Variants in PHACTR3 observed in about 807,000 individuals in gnomAD.
PHACTR3 encodes the protein phosphatase and actin regulator 3.
In PHACTR3, 16 loss-of-function variants were observed where a neutral mutation model predicts 66.8. The observed-to-expected ratio is 0.24, with a 90% CI of 0.16 to 0.36. The LOEUF (loss-of-function observed/expected upper bound fraction) is 0.36, where lower values mean the gene tolerates loss of function less well. Ranked by LOEUF, PHACTR3 falls within the 10% of genes least tolerant of loss-of-function variation. The pLI is 1.00. For synonymous variants in PHACTR3, 323 were observed against 292.1 expected, an observed-to-expected ratio of 1.11 and a Z score of -1.08; for missense variants, 647 against 719.9, an observed-to-expected ratio of 0.90 and a Z score of 1.16.
intron 7 of PHACTR3, among the ~76,000 whole-genome samples, chr20:59,802,083 C>T (rs1297910851): frequency 3.9e-5 from 6 of 152,160 alleles, no homozygotes; most frequent in Non-Finnish European, 7.4e-5. Flanking sequence ...CTCTGTGCTT[C>T]GACAGGAGAG....
intron 8 of PHACTR3, among the ~76,000 whole-genome samples, chr20:59,826,806 C>A (rs1334332717): frequency 1.3e-5 from 2 of 152,206 alleles, no homozygotes; most frequent in Admixed American, 6.5e-5. Context: ...CCTCACTCCA[C>A]TTTCCTCCTT....
intron 7 of PHACTR3, among the ~76,000 whole-genome samples, chr20:59,780,118 G>A (rs927937): frequency 0.18 from 27,523 of 152,102 alleles, 2,607 homozygotes; most frequent in East Asian, 0.26. Flanking sequence ...CGGGCTGCAA[G>A]GGAAGAACCT....
intron 1 of PHACTR3, among the ~76,000 whole-genome samples, chr20:59,652,012 T>C (rs1388534304): frequency 2.6e-5 from 4 of 152,288 alleles, no homozygotes; most frequent in Middle Eastern, 3.4e-3. Context: ...GGAAAGCTGA[T>C]GGTGTAATTC....
chr20:59,780,438 G>A (rs2040685150), intron 7 of PHACTR3, among the ~76,000 whole-genome samples: 2 of 152,174 alleles, frequency 1.3e-5, no homozygotes, highest in African/African-American at 4.8e-5. Flanking sequence ...GTTTGGCAAG[G>A]CCCCACTTTC....
intron 1 of PHACTR3, among the ~76,000 whole-genome samples, chr20:59,700,223 T>C (rs1002700811): frequency 6.6e-6 from 1 of 152,230 alleles, no homozygotes; most frequent in African/African-American, 2.4e-5. Flanking sequence ...TCTTTCTCAG[T>C]TTTTTATGTG....
intron 1 of PHACTR3, among the ~76,000 whole-genome samples, chr20:59,721,602 C>T (rs1344489251): frequency 1.3e-5 from 2 of 152,122 alleles, no homozygotes; most frequent in South Asian, 2.1e-4. Context: ...AGGCAAAGTG[C>T]GTGTAAAGTT....
chr20:59,745,014 C>T (rs544685782), intron 2 of PHACTR3, among the ~76,000 whole-genome samples: 16 of 152,292 alleles, frequency 1.1e-4, no homozygotes, highest in African/African-American at 3.9e-4. Flanking sequence ...CTAATGGGCT[C>T]TTAGTGATCC....
intron 5 of PHACTR3, among the ~76,000 whole-genome samples, chr20:59,769,774 G>A (rs1172076664): frequency 1.3e-5 from 2 of 152,204 alleles, no homozygotes; most frequent in Non-Finnish European, 2.9e-5. Context: ...GAATGCATGC[G>A]TGCTCTGAAC....
At chr20:59,846,918 ATAACAGGGGCC>A (rs2059161788) in intron 12 of PHACTR3, among the ~76,000 whole-genome samples, 186 bp from the exon 13 acceptor site, 1 of 152,174 alleles carries the variant, frequency 6.6e-6, no homozygotes, top group Non-Finnish European at 1.5e-5. Context: ...AATTCAGCAT[ATAACAGGGGCC>A]TGAGAGTGGG....
intron 1 of PHACTR3, among the ~76,000 whole-genome samples, chr20:59,597,479 C>T (rs1464241085): frequency 1.3e-5 from 2 of 152,170 alleles, no homozygotes; most frequent in Non-Finnish European, 2.9e-5. Context: ...ACATGGGATC[C>T]AGTCCTGGCT....
chr20:59,626,235 G>A (rs919991639), intron 1 of PHACTR3, among the ~76,000 whole-genome samples: 2 of 152,212 alleles, frequency 1.3e-5, no homozygotes, highest in South Asian at 2.1e-4. Context: ...GCAGGTTGCA[G>A]TGACGACTCA....
At chr20:59,743,310 C>T in intron 2 of PHACTR3, 42 bp downstream of exon 2, 1 of 1,607,886 alleles carries the variant, frequency 6.2e-7, no homozygotes. Flanking sequence ...GTGGCTGGGA[C>T]CAGCGTCCTT....
chr20:59,706,590 G>C (rs1438611249), intron 1 of PHACTR3, among the ~76,000 whole-genome samples: 3 of 152,238 alleles, frequency 2.0e-5, no homozygotes, highest in African/African-American at 7.2e-5. Context: ...GATCACATTA[G>C]TGTTCATGGT....
At chr20:59,776,924 C>T (rs559582058) in intron 7 of PHACTR3, among the ~76,000 whole-genome samples, 38 of 152,332 alleles carry the variant, frequency 2.5e-4, no homozygotes, top group Admixed American at 1.8e-3. Context: ...GGCCTGGTCA[C>T]AGCCAGCTGT....
chr20:59,760,150 T>G (rs2039947836), intron 4 of PHACTR3, among the ~76,000 whole-genome samples: 1 of 151,968 alleles, frequency 6.6e-6, no homozygotes, highest in African/African-American at 2.4e-5. Flanking sequence ...AGGACTGGAG[T>G]TGCAGCTTCC....
intron 3 of PHACTR3, among the ~76,000 whole-genome samples, chr20:59,750,884 C>A (rs923626916): frequency 6.6e-6 from 1 of 152,252 alleles, no homozygotes; most frequent in Non-Finnish European, 1.5e-5. Context: ...TGGCCACAGG[C>A]TCCCGGCTAA....
intron 3 of PHACTR3, among the ~76,000 whole-genome samples, chr20:59,751,774 G>A (rs879533918): frequency 6.6e-6 from 1 of 152,108 alleles, no homozygotes; most frequent in Non-Finnish European, 1.5e-5. Context: ...GTGCAGTGGA[G>A]CCCGTTGTGC....
At chr20:59,611,063 ATTCT>A (rs2033829873) in intron 1 of PHACTR3, among the ~76,000 whole-genome samples, 1 of 152,248 alleles carries the variant, frequency 6.6e-6, no homozygotes, top group Non-Finnish European at 1.5e-5. Flanking sequence ...ATGCAAAGAG[ATTCT>A]TTCCCTGGGG....
intron 8 of PHACTR3, among the ~76,000 whole-genome samples, chr20:59,818,920 T>C (rs1304267701): frequency 6.6e-6 from 1 of 152,184 alleles, no homozygotes; most frequent in Non-Finnish European, 1.5e-5. Context: ...TTTATCCTCA[T>C]CATCATTTTC....
Sources: gnomAD v4.1 joint callset for allele counts (sites outside exome capture counted in the v4.1 genomes callset) on GRCh38, gnomAD v4.1.1 for gene constraint, MANE v1.5 for transcripts, NCBI Gene and HGNC (gene_info 2026-07-23, HGNC 2026-07-21) for gene names.